The following TIAM1 variants were observed in gnomAD, a reference collection of about 807,000 sequenced individuals.
TIAM1 encodes rho guanine nucleotide exchange factor TIAM1.
Under a neutral mutation model 163.5 loss-of-function variants are expected in TIAM1, and 65 were observed. That is an observed-to-expected ratio of 0.40 (90% CI 0.33 to 0.49). TIAM1 has a LOEUF of 0.49. Ranked by LOEUF, TIAM1 falls within the 20% of genes least tolerant of loss-of-function variation. The pLI is 0.77. For missense variants in TIAM1, 1,789 were observed against 2,044.7 expected (o/e 0.87, Z 2.41); for synonymous variants, 833 against 810.1 (o/e 1.03, Z -0.48).
At chr21:31,429,222 G>C (rs910842831) in intron 2 of TIAM1, among the ~76,000 whole-genome samples, 2 of 152,004 alleles carry the variant, frequency 1.3e-5, no homozygotes, top group Non-Finnish European at 2.9e-5. Flanking sequence ...GCCTGGTCTC[G>C]AACTCCTGGG....
intron 12 of TIAM1, among the ~76,000 whole-genome samples, chr21:31,201,304 AC>A (rs1285947474): frequency 2.6e-5 from 4 of 152,206 alleles, no homozygotes; most frequent in Admixed American, 6.5e-5. Flanking sequence ...GAAAAAGAAT[AC>A]ATCAGCCCTC....
intron 2 of TIAM1, among the ~76,000 whole-genome samples, chr21:31,407,218 A>C (rs534210317): frequency 1.3e-5 from 2 of 152,326 alleles, no homozygotes; most frequent in Admixed American, 6.5e-5. Flanking sequence ...CAAACCTCTA[A>C]GTGTGTGAAG....
chr21:31,329,435 G>A (rs921136155), intron 2 of TIAM1, among the ~76,000 whole-genome samples: 7 of 151,770 alleles, frequency 4.6e-5, no homozygotes, highest in African/African-American at 1.7e-4. Flanking sequence ...TTGTGGGAAG[G>A]GTGATAAGAC....
chr21:31,379,014 C>T (rs1033831179), intron 2 of TIAM1, among the ~76,000 whole-genome samples: 5 of 152,104 alleles, frequency 3.3e-5, no homozygotes. Flanking sequence ...CTCTGTCGCC[C>T]AGTTGACAAT....
At chr21:31,127,549 G>A (rs1198830670) in intron 25 of TIAM1, among the ~76,000 whole-genome samples, 1 of 151,778 alleles carries the variant, frequency 6.6e-6, no homozygotes, top group African/African-American at 2.4e-5. Context: ...TTCCTGAGTA[G>A]CAGGGATTAC....
At chr21:31,170,971 G>A (rs941720668) in intron 15 of TIAM1, among the ~76,000 whole-genome samples, 8 of 148,468 alleles carry the variant, frequency 5.4e-5, no homozygotes, top group Middle Eastern at 3.3e-3. Context: ...AAGAGGCAGA[G>A]GTTGCCAGGA....
At chr21:31,455,629 A>AAGAC (rs2045068488) in intron 2 of TIAM1, among the ~76,000 whole-genome samples, 2 of 152,170 alleles carry the variant, frequency 1.3e-5, no homozygotes, top group South Asian at 4.1e-4. Context: ...GCCACTGAAC[A>AAGAC]AGACACAGTA....
chr21:31,193,229 C>T (rs1247530546), intron 13 of TIAM1, among the ~76,000 whole-genome samples: 2 of 152,228 alleles, frequency 1.3e-5, no homozygotes, highest in African/African-American at 4.8e-5. Flanking sequence ...GGCCCGCTTA[C>T]AAATTTGAAC....
chr21:31,174,729 C>G (rs954691260), intron 15 of TIAM1, among the ~76,000 whole-genome samples: 11 of 152,322 alleles, frequency 7.2e-5, no homozygotes, highest in African/African-American at 2.4e-4. Flanking sequence ...CTCACTGCAA[C>G]CTCCACCTCC....
chr21:31,182,593 G>A lies in TIAM1; in HGVS notation c.2715C>T (p.Ala905=). The change falls in exon 15 of 28, where the codon GCC becomes GCT. Residue 905 remains alanine, a synonymous_variant. Transcript: ENST00000541036. ...ILEINNRAAD[A]LNSSMLKDFL... Reference sequence around the variant, plus strand: ...AATCTTTGAGCATAGAAGAGTTCAGGGCGTCAGCAGCACGATTATTGATCT... The same window carrying A: ...AATCTTTGAGCATAGAAGAGTTCAGAGCGTCAGCAGCACGATTATTGATCT... 1.2e-6 allele frequency: 2 copies of A among 1,613,874 alleles called. No homozygotes were observed. Among genetic ancestry groups the A allele is most frequent in the Non-Finnish European group, 1.7e-6 (2 of 1,179,878 alleles).
At chr21:31,488,672 C>T (rs1308151008) in intron 1 of TIAM1, among the ~76,000 whole-genome samples, 1 of 152,102 alleles carries the variant, frequency 6.6e-6, no homozygotes, top group Non-Finnish European at 1.5e-5. Flanking sequence ...ATAAAACCAT[C>T]AGATCTCGTG....
At chr21:31,482,332 A>C (rs982805163) in intron 1 of TIAM1, among the ~76,000 whole-genome samples, 5 of 151,932 alleles carry the variant, frequency 3.3e-5, no homozygotes, top group Non-Finnish European at 7.4e-5. Context: ...TTGTACTTAT[A>C]GTAGAGACAG....
At chr21:31,548,431 G>C (rs907352779) in intron 1 of TIAM1, among the ~76,000 whole-genome samples, 1 of 151,062 alleles carries the variant, frequency 6.6e-6, no homozygotes, top group Non-Finnish European at 1.5e-5. Flanking sequence ...GTGACCCACC[G>C]TGCCAGGCCA....
At chr21:31,510,814 CAA>C (rs10716139) in intron 1 of TIAM1, among the ~76,000 whole-genome samples, 23 of 138,716 alleles carry the variant, frequency 1.7e-4, no homozygotes, top group Admixed American at 2.2e-4. Context: ...AACTCCATCT[CAA>C]AAAAAAAAAA....
chr21:31,514,889 C>T (rs533067658), intron 1 of TIAM1, among the ~76,000 whole-genome samples: 3 of 152,310 alleles, frequency 2.0e-5, no homozygotes, highest in Admixed American at 6.5e-5. Flanking sequence ...GACTTTGTTC[C>T]AGCGGAAAGC....
At chr21:31,445,195 T>A (rs188243004) in intron 2 of TIAM1, among the ~76,000 whole-genome samples, 74 of 152,210 alleles carry the variant, frequency 4.9e-4, no homozygotes, top group Non-Finnish European at 9.0e-4. Context: ...GATGAGTGAA[T>A]CTTGACTTTG....
chr21:31,321,730 C>G (rs117467182), intron 2 of TIAM1, among the ~76,000 whole-genome samples: 1 of 152,018 alleles, frequency 6.6e-6, no homozygotes, highest in African/African-American at 2.4e-5. Flanking sequence ...AGAAGCCAAA[C>G]TGATTGAAAC....
chr21:31,311,349 T>C (rs2074923797), intron 2 of TIAM1, among the ~76,000 whole-genome samples: 1 of 152,162 alleles, frequency 6.6e-6, no homozygotes, highest in Non-Finnish European at 1.5e-5. Context: ...TCTAAGACAT[T>C]ACCCAATGAA....
At chr21:31,455,306 T>C (rs1051638167) in intron 2 of TIAM1, among the ~76,000 whole-genome samples, 3 of 142,324 alleles carry the variant, frequency 2.1e-5, no homozygotes, top group African/African-American at 7.8e-5. Context: ...AAAAAGACCC[T>C]AGAACATAGG....
Sources: allele counts gnomAD v4.1 joint callset (sites outside exome capture counted in the v4.1 genomes callset), GRCh38; gene constraint gnomAD v4.1.1; transcripts MANE v1.5; gene names NCBI Gene and HGNC (gene_info 2026-07-23, HGNC 2026-07-21).